The following COL9A2 variants were observed in gnomAD, a reference collection of about 807,000 sequenced individuals.
COL9A2 encodes collagen alpha-2(IX) chain.
COL9A2 carries 66 observed loss-of-function variants against 111.6 expected under a neutral mutation model. The observed-to-expected ratio is 0.59, with a 90% CI of 0.48 to 0.73. The LOEUF (loss-of-function observed/expected upper bound fraction) is 0.73, where lower values mean the gene tolerates loss of function less well. Among genes scored for constraint, COL9A2 ranks in the 30% least tolerant of loss-of-function variants. The pLI, the probability that COL9A2 is intolerant of heterozygous loss-of-function variation, is 0.00. For synonymous variants in COL9A2, 353 were observed against 364.1 expected (o/e 0.97, Z 0.35); for missense variants, 881 against 954.1 (o/e 0.92, Z 1.01).
chr1:40,307,791 T>C lies in COL9A2; in HGVS notation c.901-35A>G. The C allele has an allele frequency of 6.2e-7, 1 of 1,611,284 alleles. No homozygotes were observed. Among genetic ancestry groups the C allele is most frequent in the South Asian group, 1.1e-5 (1 of 90,966 alleles). ...AGGAAAGTTCAAGGGAGAGTGATAA[T>C]GCGGAGATGTCTGGGGTCTGGCCAC... is the stretch of plus-strand genomic sequence containing the variant. On this transcript the variant is annotated intron_variant, in intron 17 of 31. Coordinates refer to ENST00000372748, the MANE Select transcript of COL9A2 (RefSeq NM_001852.4). The surrounding 1 kb of genome is among the most constrained non-coding windows in gnomAD (Gnocchi z 4.8).
At position 40,310,262 on chromosome 1, in the gene COL9A2, A is replaced by G. The variant is rs1569742452; in HGVS notation, c.738+2T>C. On this transcript the variant is annotated splice_donor_variant, in intron 14 of 31. Coordinates refer to ENST00000372748, the MANE Select transcript of COL9A2 (RefSeq NM_001852.4). LOFTEE classifies it high-confidence loss of function. This position sits in a 1 kb window ranked among gnomAD's most constrained non-coding sequence, Gnocchi z 4.9. ...TTGTAGAACACCCCAAGATTCACTT[A>G]CCGTCTCTCCCTTGGGCCCTGCCAT... is the stretch of plus-strand genomic sequence containing the variant. The G allele has an allele frequency of 6.2e-7, 1 of 1,614,142 alleles. No individual in the cohort carries two copies. The highest frequency in any genetic ancestry group is 1.7e-5 in the Admixed American group (1 of 60,026).
In COL9A2 at chr1:40,304,341, C is replaced by T. The variant is rs1273251930; in HGVS notation, c.1266G>A (p.Leu422=). The change falls in exon 24 of 32, where the codon TTG becomes TTA. Residue 422 remains leucine, a synonymous_variant. Transcript: ENST00000372748. The stretch of plus-strand genomic sequence containing the variant: ...GCACCTTGTCTCCTTTGACGCCTGG[C>T]AAGCCTTGGGGCCCTGGAATTCCGG... ...GPPGIPGPQG[L]PGVKGDKGSP... The T allele has an allele frequency of 6.4e-7, 1 of 1,569,876 alleles. No homozygotes were observed. Among genetic ancestry groups the T allele is most frequent in the Admixed American group, 1.9e-5 (1 of 53,016 alleles).
At chr1:40,306,286 G>T in intron 19 of COL9A2, 99 bp from the exon 20 acceptor site, 1 of 1,367,270 alleles carries the variant, frequency 7.3e-7, no homozygotes, top group Non-Finnish European at 1.0e-6. Context: ...TCCCCCACCT[G>T]TGGGAGCTGA....
In COL9A2 at chr1:40,311,223, C is replaced by A; in HGVS notation, c.576+7G>T. 2 of 1,614,176 alleles carry A rather than the reference C, an allele frequency of 1.2e-6. No homozygotes were observed. Among genetic ancestry groups the A allele is most frequent in the Non-Finnish European group, 1.7e-6 (2 of 1,179,982 alleles). On this transcript the variant is annotated splice_region_variant and intron_variant, in intron 11 of 31. Transcript: ENST00000372748. The surrounding 1 kb of genome is among the most constrained non-coding windows in gnomAD (Gnocchi z 5.1). Reference sequence around the variant, plus strand: ...ACCCTCCCAAGATTCAGGCCAGGAGCTCTCACCTTCACTCCCTGCAGCCCT... The same window carrying A: ...ACCCTCCCAAGATTCAGGCCAGGAGATCTCACCTTCACTCCCTGCAGCCCT...
intron 2 of COL9A2, chr1:40,315,114 A>G (rs909601090): frequency 4.8e-6 from 3 of 619,088 alleles, no homozygotes; most frequent in Admixed American, 5.4e-5. Context: ...AGAATGAGGT[A>G]TTTAACCCTC....
chr1:40,311,458 C>T lies in COL9A2; in HGVS notation c.519+42G>A. On this transcript the variant is annotated intron_variant, in intron 10 of 31. Transcript: ENST00000372748. This position sits in a 1 kb window ranked among gnomAD's most constrained non-coding sequence, Gnocchi z 5.1. ...GCCCCGCCTCCCCATCTCTGTGGCC[C>T]CGCCCCCCTGTGTTAGCCCCGCCCC... 5 of 1,585,360 alleles carry T rather than the reference C, an allele frequency of 3.2e-6. No homozygotes were observed. Among genetic ancestry groups the T allele is most frequent in the Non-Finnish European group, 4.3e-6 (5 of 1,155,390 alleles).
In COL9A2 at chr1:40,307,431, C is replaced by T; in HGVS notation, c.1008+15G>A. Reference sequence around the variant, plus strand: ...TAGCCCCTGGCCAGCCCCTGTGGCTCCACCTGACACTTACCGCTAGGCCCT... The same window carrying T: ...TAGCCCCTGGCCAGCCCCTGTGGCTTCACCTGACACTTACCGCTAGGCCCT... On this transcript the variant is annotated intron_variant, in intron 19 of 31. Transcript: ENST00000372748. The surrounding 1 kb of genome is among the most constrained non-coding windows in gnomAD (Gnocchi z 4.8). The T allele has an allele frequency of 6.2e-7, 1 of 1,613,580 alleles. No individual in the cohort carries two copies. The highest frequency in any genetic ancestry group is 1.7e-5 in the Admixed American group (1 of 59,960).
rs1569771042 is a variant in COL9A2 at position 40,316,118 on chromosome 1, T to G, written c.76-454A>C. On this transcript the variant is annotated intron_variant, in intron 1 of 31. Transcript: ENST00000372748. This position sits in a 1 kb window ranked among gnomAD's most constrained non-coding sequence, Gnocchi z 5.5. ...GGCCCTCAGTGAGCGGTGGCTCGGG[T>G]TGTTGTTCTTACGTGAACGACAGGC... 1 of 162,434 alleles carries G rather than the reference T, an allele frequency of 6.2e-6. No individual in the cohort carries two copies. The highest frequency in any genetic ancestry group is 1.4e-5 in the Non-Finnish European group (1 of 73,962). 10.1% of individuals were successfully genotyped at this position (162,434 alleles called of 1,614,324 possible).
rs1557804042 is a variant in COL9A2 at position 40,312,648 on chromosome 1, C to T, written c.304-39G>A. ...GAGAAAGGCTCAGAGGCTGGGGTTT[C>T]CCCGGCTCCTACTTCCTCTCTACAG... On this transcript the variant is annotated intron_variant, in intron 5 of 31. Transcript: ENST00000372748. This position sits in a 1 kb window ranked among gnomAD's most constrained non-coding sequence, Gnocchi z 6.0. 1.9e-6 allele frequency: 3 copies of T among 1,610,036 alleles called. No individual in the cohort carries two copies. Among genetic ancestry groups the T allele is most frequent in the Non-Finnish European group, 2.5e-6 (3 of 1,178,254 alleles).
intron 24 of COL9A2, 81 bp downstream of exon 24, chr1:40,304,239 C>G: frequency 6.5e-7 from 1 of 1,533,946 alleles, no homozygotes; most frequent in Admixed American, 2.0e-5. Context: ...TTGGAGGCTC[C>G]GGAAGGATCT....
Position 40,307,521 on chromosome 1 carries a change from A to C in COL9A2, c.955-22T>G. On this transcript the variant is annotated intron_variant, in intron 18 of 31. Coordinates refer to ENST00000372748, the MANE Select transcript of COL9A2 (RefSeq NM_001852.4). This position sits in a 1 kb window ranked among gnomAD's most constrained non-coding sequence, Gnocchi z 4.8. Reference sequence around the variant, plus strand: ...TGCCCTGGGATAGACAGATAACCAAAGATACAAATTAAAGCTCCAGCCAGA... The same window carrying C: ...TGCCCTGGGATAGACAGATAACCAACGATACAAATTAAAGCTCCAGCCAGA... 6.2e-7 allele frequency: 1 copy of C among 1,613,974 alleles called. No individual in the cohort carries two copies. The highest frequency in any genetic ancestry group is 8.5e-7 in the Non-Finnish European group (1 of 1,179,874).
intron 20 of COL9A2, 77 bp from the exon 21 acceptor site, chr1:40,305,845 A>C: frequency 7.6e-7 from 1 of 1,318,776 alleles, no homozygotes; most frequent in Non-Finnish European, 1.1e-6. Flanking sequence ...AACGAAGCCT[A>C]AACAGAGCCT....
chr1:40,314,933 G>A lies in COL9A2; in HGVS notation c.151-546C>T, dbSNP rs1459437347. Among the ~76,000 whole-genome samples the A allele has an allele frequency of 6.6e-6, 1 of 152,094 alleles. No individual in the cohort carries two copies. The highest frequency in any genetic ancestry group is 1.5e-5 in the Non-Finnish European group (1 of 68,022). On this transcript the variant is annotated intron_variant, in intron 2 of 31. Coordinates refer to ENST00000372748, the MANE Select transcript of COL9A2 (RefSeq NM_001852.4). This position sits in a 1 kb window ranked among gnomAD's most constrained non-coding sequence, Gnocchi z 4.1. ...GGACCCTTGGTGGTGGGCAGGCAGG[G>A]CCGGTAGAGTGCGATTCAGCCCCAG...
chr1:40,304,424 A>G (rs201115547), intron 23 of COL9A2, 33 bp from the exon 24 acceptor site: 42 of 1,612,636 alleles, frequency 2.6e-5, no homozygotes, highest in Non-Finnish European at 3.3e-5. Context: ...GAATAAATGG[A>G]ATGAGGGGCC....
Position 40,314,112 on chromosome 1 carries a change from A to G in COL9A2, c.249+93T>C, listed in dbSNP as rs1237566335. ...CTGGAGAATCTCCATCCTGCTGCCC[A>G]TCTCTGAACAGATCAGTGAAGATGC... On this transcript the variant is annotated intron_variant, in intron 4 of 31. Transcript: ENST00000372748. This position sits in a 1 kb window ranked among gnomAD's most constrained non-coding sequence, Gnocchi z 4.1. 8 of 1,326,864 alleles carry G rather than the reference A, an allele frequency of 6.0e-6. No homozygotes were observed. In the Admixed American group the frequency reaches 6.7e-5, roughly 11 times the overall value. The allele number at this position is 1,326,864 out of a possible 1,614,324, so 82.2% of individuals were successfully genotyped here.
intron 2 of COL9A2, 89 bp downstream of exon 2, chr1:40,315,501 C>T (rs1644204051): frequency 6.8e-7 from 1 of 1,469,188 alleles, no homozygotes; most frequent in Non-Finnish European, 9.1e-7. Context: ...CTCCGGGCAC[C>T]CCGAAGTCCC....
intron 22 of COL9A2, 25 bp downstream of exon 22, chr1:40,304,768 GA>G: frequency 6.5e-7 from 1 of 1,541,116 alleles, no homozygotes; most frequent in Non-Finnish European, 8.8e-7. Context: ...GGCCCCCGGG[GA>G]GGGGCCATTG....
chr1:40,303,285 G>C lies in COL9A2; in HGVS notation c.1549-100C>G. The C allele has an allele frequency of 7.8e-7, 1 of 1,274,486 alleles. No individual in the cohort carries two copies. The highest frequency in any genetic ancestry group is 2.5e-5 in the East Asian group (1 of 39,806). The allele number at this position is 1,274,486 out of a possible 1,614,324, so 78.9% of individuals were successfully genotyped here. A position where few individuals can be genotyped will look rare whatever the true frequency, so the allele number is the denominator to read the frequency against. On this transcript the variant is annotated intron_variant, in intron 28 of 31. Transcript: ENST00000372748. The surrounding 1 kb of genome is among the most constrained non-coding windows in gnomAD (Gnocchi z 4.6). ...TGAGGCCGCCATGGAGGAGACTCTGGTGTTGAGTCATTAATTCCCAAGCTG... is the reference window on the plus strand; with the variant it reads ...TGAGGCCGCCATGGAGGAGACTCTGCTGTTGAGTCATTAATTCCCAAGCTG...
rs538667158 is a variant in COL9A2 at position 40,315,404 on chromosome 1, T to C, written c.150+186A>G. 17 of 1,414,348 alleles carry C rather than the reference T, an allele frequency of 1.2e-5. No individual in the cohort carries two copies. The Admixed American group carries it at 2.7e-4, about 23-fold the overall frequency. 87.6% of individuals were successfully genotyped at this position (1,414,348 alleles called of 1,614,324 possible). On this transcript the variant is annotated intron_variant, in intron 2 of 31. Coordinates refer to ENST00000372748, the MANE Select transcript of COL9A2 (RefSeq NM_001852.4). ...CGGCGGCTATAACGGGCTCCGCATGTCAGGGCTGGTTTGAGGTTTTTGCAG... is the reference window on the plus strand; with the variant it reads ...CGGCGGCTATAACGGGCTCCGCATGCCAGGGCTGGTTTGAGGTTTTTGCAG...
Sources: allele counts gnomAD v4.1 joint callset (sites outside exome capture counted in the v4.1 genomes callset), GRCh38; gene constraint gnomAD v4.1.1; non-coding constraint Gnocchi (gnomAD v3.1); transcripts MANE v1.5; gene names NCBI Gene and HGNC (gene_info 2026-07-23, HGNC 2026-07-21).